The following ADAMTS10 variants were observed in gnomAD, a reference collection of about 807,000 sequenced individuals.
ADAMTS10 encodes A disintegrin and metalloproteinase with thrombospondin motifs 10.
In ADAMTS10, 48 loss-of-function variants were observed where a neutral mutation model predicts 135.9. The observed-to-expected ratio is 0.35, with a 90% CI of 0.28 to 0.45. ADAMTS10 has a LOEUF of 0.45. Ranked by LOEUF, ADAMTS10 falls within the 20% of genes least tolerant of loss-of-function variation. ADAMTS10 has a pLI of 1.00. For missense variants in ADAMTS10, 1,131 were observed against 1,565.2 expected, an observed-to-expected ratio of 0.72 and a Z score of 4.68; for synonymous variants, 621 against 647.5, an observed-to-expected ratio of 0.96 and a Z score of 0.62.
chr19:8,607,283 A>G (rs567370499), intron 2 of ADAMTS10, among the ~76,000 whole-genome samples: 4 of 152,136 alleles, frequency 2.6e-5, no homozygotes, highest in South Asian at 4.1e-4. Context: ...CCACGCACCC[A>G]CTGTCTTGGG....
At chr19:8,583,080 G>C (rs370439390) in intron 25 of ADAMTS10, among the ~76,000 whole-genome samples, 1 of 151,420 alleles carries the variant, frequency 6.6e-6, no homozygotes, top group Non-Finnish European at 1.5e-5. Context: ...CACCTCGCCC[G>C]GCCTGGGTGG....
chr19:8,604,988 C>T (rs7260282), intron 4 of ADAMTS10, 24 bp downstream of exon 4: 413,077 of 1,571,508 alleles, frequency 0.26, 59,063 homozygotes, highest in Non-Finnish European at 0.3. Context: ...CATTTCCCCC[C>T]GCGTTCCAGA....
rs1555736485 is a variant in ADAMTS10 at position 8,585,034 on chromosome 19, G to A, written c.3063C>T (p.Val1021=). The change falls in exon 25 of 26, where the codon GTC becomes GTT. Residue 1021 remains valine, a synonymous_variant. Coordinates refer to ENST00000597188, the MANE Select transcript of ADAMTS10 (RefSeq NM_030957.4). ...EWGECSAQCG[V]GQRQRSVRCT... is the part of the protein sequence containing the mutation. ...AGCGCACCGAGCGCTGCCGCTGCCCGACGCCGCACTGTGCAGAGCACTGCG... is the reference window on the plus strand; with the variant it reads ...AGCGCACCGAGCGCTGCCGCTGCCCAACGCCGCACTGTGCAGAGCACTGCG... The A allele has an allele frequency of 6.5e-7, 1 of 1,531,778 alleles. No homozygotes were observed. Among genetic ancestry groups the A allele is most frequent in the Non-Finnish European group, 8.7e-7 (1 of 1,142,872 alleles). The allele number at this position is 1,531,778 out of a possible 1,614,324, so 94.9% of individuals were successfully genotyped here.
intron 1 of ADAMTS10, among the ~76,000 whole-genome samples, chr19:8,610,228 G>A (rs1171070076): frequency 1.3e-5 from 2 of 150,566 alleles, no homozygotes; most frequent in African/African-American, 2.5e-5. Flanking sequence ...CACTCATCAC[G>A]GTCAGAGACA....
At chr19:8,585,731 T>G (rs1309746355) in intron 22 of ADAMTS10, 71 bp from the exon 23 acceptor site, 2 of 1,447,432 alleles carry the variant, frequency 1.4e-6, no homozygotes, top group African/African-American at 2.8e-5. Context: ...GGGGGCACTA[T>G]AGCCTACCCC....
intron 2 of ADAMTS10, among the ~76,000 whole-genome samples, chr19:8,607,820 C>CTTTT (rs1380858556): frequency 2.1e-5 from 3 of 145,258 alleles, no homozygotes; most frequent in Non-Finnish European, 4.5e-5. Context: ...CTCTCTCTCT[C>CTTTT]TTTTTTTTTG....
chr19:8,597,462 G>T lies in ADAMTS10; in HGVS notation c.811-145C>A, dbSNP rs373191980. ...GCTAAACCTGCTATTAGGGTTTTTT[G>T]TTGCTGTTGTTGTTAAAGATGGGGG... On this transcript the variant is annotated intron_variant, in intron 6 of 25. Transcript: ENST00000597188. 5.9e-3 allele frequency: 4,429 copies of T among 746,790 alleles called. 32 individuals are homozygous for T. Among genetic ancestry groups the T allele is most frequent in the African/African-American group, 0.028 (1,610 of 56,754 alleles). The allele number at this position is 746,790 out of a possible 1,614,324, so 46.3% of individuals were successfully genotyped here.
chr19:8,606,617 G>A (rs1463339933), intron 2 of ADAMTS10, among the ~76,000 whole-genome samples: 12 of 152,158 alleles, frequency 7.9e-5, no homozygotes, highest in African/African-American at 2.7e-4. Flanking sequence ...TGGCCAGGCT[G>A]GTCTTGAACT....
rs1555742228 is a variant in ADAMTS10 at position 8,605,066 on chromosome 19, G to T, written c.381C>A (p.His127Gln). 1 of 1,611,828 alleles carries T rather than the reference G, an allele frequency of 6.2e-7. No homozygotes were observed. The highest frequency in any genetic ancestry group is 8.5e-7 in the Non-Finnish European group (1 of 1,179,458). ...AARPHCLYAGHLQGQASSSHV... is the reference protein window; with the variant it reads ...AARPHCLYAGQLQGQASSSHV... ...GGGAGCTGCTGGCCTGGCCCTGCAGGTGACCAGCGTAGAGGCAGTGGGGCC... is the reference window on the plus strand; with the variant it reads ...GGGAGCTGCTGGCCTGGCCCTGCAGTTGACCAGCGTAGAGGCAGTGGGGCC... Residue 127 changes from histidine to glutamine, a missense_variant, in exon 4 of 26, where the codon CAC (histidine) becomes CAA (glutamine). His to Gln is a conservative substitution (Grantham distance 24). This residue lies in a region of ADAMTS10 where 306 missense variants were observed against 344.4 expected (regional missense o/e 0.89). Transcript: ENST00000597188. This position sits in a 1 kb window ranked among gnomAD's most constrained non-coding sequence, Gnocchi z 7.7.
chr19:8,606,047 T>C (rs2042718744), intron 2 of ADAMTS10, among the ~76,000 whole-genome samples: 1 of 152,228 alleles, frequency 6.6e-6, no homozygotes, highest in South Asian at 2.1e-4. Flanking sequence ...GGCCCTAGTT[T>C]TCACACCACT....
At chr19:8,592,360 A>G in intron 13 of ADAMTS10, 1 of 706,622 alleles carries the variant, frequency 1.4e-6, no homozygotes, top group Non-Finnish European at 2.3e-6. Context: ...ATAAGCGTGG[A>G]GACGAGGTGG....
At chr19:8,589,801 C>A (rs1280264507) in intron 16 of ADAMTS10, 88 bp downstream of exon 16, 1 of 1,465,432 alleles carries the variant, frequency 6.8e-7, no homozygotes, top group Non-Finnish European at 9.4e-7. Flanking sequence ...TCAGGGCAGA[C>A]CCCGGGATGC....
rs2042605687 is a variant in ADAMTS10, at chr19:8,596,418, A to C, written c.1085-6T>G. 6.2e-7 allele frequency: 1 copy of C among 1,613,726 alleles called. No individual in the cohort carries two copies. The highest frequency in any genetic ancestry group is 1.7e-5 in the Admixed American group (1 of 59,942). On this transcript the variant is annotated splice_region_variant and splice_polypyrimidine_tract_variant and intron_variant, in intron 9 of 25. Transcript: ENST00000597188. The surrounding 1 kb of genome is among the most constrained non-coding windows in gnomAD (Gnocchi z 7.2). The stretch of plus-strand genomic sequence containing the variant: ...TCCGCCCACCGGGGCCAGGCCTGGG[A>C]AGACGGACATGTGGGGATGGGGCTG...
At chr19:8,592,943 G>A (rs1376306172) in intron 12 of ADAMTS10, 73 bp from the exon 13 acceptor site, 1 of 1,387,552 alleles carries the variant, frequency 7.2e-7, no homozygotes, top group Admixed American at 2.0e-5. Context: ...GGCTTGGGAG[G>A]ACCCAGATGT....
chr19:8,580,831 G>T lies in ADAMTS10; in HGVS notation c.*62C>A. On this transcript the variant is annotated 3_prime_UTR_variant, in exon 26 of 26. Coordinates refer to ENST00000597188, the MANE Select transcript of ADAMTS10 (RefSeq NM_030957.4). ...CGCCCCCCCGGGGCCCCCTCTGGCC[G>T]GCCCGCTGCAGGGCTGGCGGCGGAG... 2 of 1,405,676 alleles carry T rather than the reference G, an allele frequency of 1.4e-6. No homozygotes were observed. The highest frequency in any genetic ancestry group is 2.0e-6 in the Non-Finnish European group (2 of 1,022,644). The allele number at this position is 1,405,676 out of a possible 1,614,324, so 87.1% of individuals were successfully genotyped here. A position where few individuals can be genotyped will look rare whatever the true frequency, so the allele number is the denominator to read the frequency against.
At chr19:8,591,605 C>A (rs1294064468) in intron 15 of ADAMTS10, among the ~76,000 whole-genome samples, 195 bp downstream of exon 15, 2 of 152,010 alleles carry the variant, frequency 1.3e-5, no homozygotes, top group Admixed American at 1.3e-4. Flanking sequence ...CCACGCCCAG[C>A]TAATTTTTGT....
chr19:8,598,565 A>ATTTT (rs34389376), intron 6 of ADAMTS10, among the ~76,000 whole-genome samples: 2 of 70,760 alleles, frequency 2.8e-5, no homozygotes, highest in Non-Finnish European at 5.2e-5. Context: ...AATCCCCAGA[A>ATTTT]TTTTTTTTTT....
At chr19:8,609,540 G>T (rs1241032971) in intron 1 of ADAMTS10, among the ~76,000 whole-genome samples, 1 of 152,056 alleles carries the variant, frequency 6.6e-6, no homozygotes, top group Non-Finnish European at 1.5e-5. Flanking sequence ...CAGCCTGCCG[G>T]CCTCCTCCCG....
At chr19:8,607,107 G>T (rs529464980) in intron 2 of ADAMTS10, among the ~76,000 whole-genome samples, 8 of 152,072 alleles carry the variant, frequency 5.3e-5, no homozygotes, top group South Asian at 2.1e-4. Context: ...TTGAAGGGGG[G>T]GCTGGTCGGT....
Sources: gnomAD v4.1 joint callset for allele counts (sites outside exome capture counted in the v4.1 genomes callset) on GRCh38, gnomAD v4.1.1 for gene constraint, gnomAD v4.1.1 regional missense constraint, Gnocchi (gnomAD v3.1) non-coding constraint, MANE v1.5 for transcripts, NCBI Gene and HGNC (gene_info 2026-07-23, HGNC 2026-07-21) for gene names.